Variants in DCX observed in about 807,000 individuals in gnomAD.
The protein encoded by DCX is neuronal migration protein doublecortin.
In DCX, 4 loss-of-function variants were observed where a neutral mutation model predicts 20.9. The observed-to-expected ratio is 0.19, with a 90% confidence interval of 0.09 to 0.44. The LOEUF (loss-of-function observed/expected upper bound fraction) is 0.44, where lower values mean the gene tolerates loss of function less well. Among genes scored for constraint, DCX ranks in the 20% least tolerant of loss-of-function variants. The probability of loss-of-function intolerance (pLI) is 0.99; values close to 1 mark genes in which losing one functional copy is unlikely to be tolerated. For missense variants in DCX, 133 were observed against 296.9 expected (o/e 0.45, Z 4.06); for synonymous variants, 103 against 111.4 (o/e 0.92, Z 0.47).
chrX:111,363,088 T>C (rs1179225906), intron 3 of DCX, among the ~76,000 whole-genome samples: 1 of 111,094 alleles, frequency 9.0e-6, no homozygotes, highest in East Asian at 2.9e-4. Flanking sequence ...GAATATGATA[T>C]AGACCATTTA....
At chrX:111,373,049 C>T (rs1459517967) in intron 3 of DCX, among the ~76,000 whole-genome samples, 4 of 104,159 alleles carry the variant, frequency 3.8e-5, no homozygotes, top group African/African-American at 1.5e-4. Flanking sequence ...AAGCTGATAA[C>T]ACAATGAAAT....
At chrX:111,304,938 G>A (rs149813398) in intron 6 of DCX, among the ~76,000 whole-genome samples, 9 of 111,614 alleles carry the variant, frequency 8.1e-5, no homozygotes, top group African/African-American at 2.3e-4. Context: ...CTGTGCAAGC[G>A]GCAAGAGAAT....
chrX:111,312,714 C>T lies in DCX; in HGVS notation c.969G>A (p.Gln323=). The change falls in exon 6 of 7, where the codon CAG becomes CAA. Residue 323 remains glutamine, a synonymous_variant. Transcript: ENST00000636035. ...ACTGCTTAGACTTGGGGGTAGAGAG[C>T]TGGCTGCTGGAGGTTCCGTTTGCTA... ...DQDANGTSSS[Q]LSTPKSKQSP... 1 of 1,211,634 alleles carries T rather than the reference C, an allele frequency of 8.3e-7. No homozygotes were observed. The highest frequency in any genetic ancestry group is 1.1e-6 in the Non-Finnish European group (1 of 895,496).
intron 5 of DCX, among the ~76,000 whole-genome samples, chrX:111,318,133 T>G (rs1361583589): frequency 1.0e-5 from 1 of 95,711 alleles, no homozygotes; most frequent in African/African-American, 4.0e-5. Flanking sequence ...TGCAGTGAGC[T>G]GAGATCATGC....
At chrX:111,326,641 T>A (rs1741331975) in intron 5 of DCX, among the ~76,000 whole-genome samples, 1 of 111,951 alleles carries the variant, frequency 8.9e-6, no homozygotes, top group South Asian at 3.8e-4. Flanking sequence ...CCATCAGTTC[T>A]GCCCGGTGAA....
At chrX:111,378,640 G>C (rs1433462078) in intron 3 of DCX, among the ~76,000 whole-genome samples, 2 of 111,065 alleles carry the variant, frequency 1.8e-5, no homozygotes, top group African/African-American at 6.6e-5. Flanking sequence ...ATTCTCTTCA[G>C]GGGCCATTAG....
At chrX:111,372,186 C>A (rs1925151882) in intron 3 of DCX, among the ~76,000 whole-genome samples, 1 of 111,927 alleles carries the variant, frequency 8.9e-6, no homozygotes, top group Admixed American at 9.5e-5. Flanking sequence ...TGCTGACCAA[C>A]ACACAAAGCT....
intron 5 of DCX, among the ~76,000 whole-genome samples, chrX:111,317,859 T>C (rs1603413509): frequency 9.0e-6 from 1 of 111,026 alleles, no homozygotes; most frequent in Non-Finnish European, 1.9e-5. Flanking sequence ...AAAACCACAA[T>C]GAGATACCAT....
At chrX:111,365,722 A>T (rs1335329788) in intron 3 of DCX, among the ~76,000 whole-genome samples, 1 of 111,327 alleles carries the variant, frequency 9.0e-6, no homozygotes, top group East Asian at 2.8e-4. Flanking sequence ...GAAAACAAAG[A>T]TGTATAGTCC....
intron 5 of DCX, among the ~76,000 whole-genome samples, chrX:111,313,288 A>G (rs2095061716): frequency 9.1e-6 from 1 of 110,394 alleles, no homozygotes; most frequent in African/African-American, 3.3e-5. Context: ...CTCATTCTGC[A>G]TGTGTGAAAA....
intron 5 of DCX, among the ~76,000 whole-genome samples, chrX:111,321,823 G>C (rs1396900078): frequency 8.9e-6 from 1 of 112,219 alleles, no homozygotes; most frequent in Non-Finnish European, 1.9e-5. Context: ...CAGGTTACAT[G>C]AGTCATTATA....
chrX:111,373,693 G>A (rs1054363641), intron 3 of DCX, among the ~76,000 whole-genome samples: 4 of 110,971 alleles, frequency 3.6e-5, no homozygotes, highest in African/African-American at 1.3e-4. Flanking sequence ...CCCTACAAGT[G>A]GAGTAAATAT....
chrX:111,380,806 G>C (rs146207689), intron 3 of DCX, among the ~76,000 whole-genome samples: 2,291 of 110,275 alleles, frequency 0.021, 68 homozygotes, highest in African/African-American at 0.071. Context: ...ATATCAGCCT[G>C]GTTCTCTCAT....
At position 111,300,060 on chromosome X, in the gene DCX, T is replaced by C. The variant is rs1474959374; in HGVS notation, c.*1627A>G. ...ACACACACACAGCAAGCTCATTCCA[T>C]TTAGAGTGGAGGAACAACTGCAAGC... On this transcript the variant is annotated 3_prime_UTR_variant, in exon 7 of 7. Coordinates refer to ENST00000636035, the MANE Select transcript of DCX (RefSeq NM_001195553.2). 1.8e-5 allele frequency: 2 copies of C among 111,710 alleles called. No individual in the cohort carries two copies. Among genetic ancestry groups the C allele is most frequent in the African/African-American group, 6.5e-5 (2 of 30,742 alleles). The allele number at this position is 111,710 out of a possible 1,213,427, so 9.2% of individuals were successfully genotyped here.
chrX:111,331,177 A>T, intron 4 of DCX, 136 bp from the exon 5 acceptor site: 1 of 752,139 alleles, frequency 1.3e-6, no homozygotes, highest in Non-Finnish European at 2.0e-6. Context: ...CCTTATTATT[A>T]GTAGGAGCCA....
intron 3 of DCX, among the ~76,000 whole-genome samples, chrX:111,383,023 G>A (rs963972843): frequency 9.0e-6 from 1 of 111,297 alleles, no homozygotes; most frequent in Non-Finnish European, 1.9e-5. Context: ...TGGGAATGGG[G>A]ACATGGATCT....
chrX:111,388,849 A>T (rs1289221574), intron 3 of DCX, among the ~76,000 whole-genome samples: 1 of 112,351 alleles, frequency 8.9e-6, no homozygotes, highest in Non-Finnish European at 1.9e-5. Flanking sequence ...AAGTGATAAG[A>T]TAAGACAAGA....
chrX:111,335,484 A>G (rs746712110), intron 3 of DCX, among the ~76,000 whole-genome samples: 19 of 112,768 alleles, frequency 1.7e-4, no homozygotes, highest in Non-Finnish European at 2.2e-4. Flanking sequence ...GGAATAAGAA[A>G]GATGAAATCA....
At chrX:111,318,361 T>TATAATAATAATAATAATA (rs201675196) in intron 5 of DCX, among the ~76,000 whole-genome samples, 2 of 100,106 alleles carry the variant, frequency 2.0e-5, no homozygotes, top group African/African-American at 7.7e-5. Flanking sequence ...AAACTTAAAG[T>TATAATAATAATAATAATA]ATAATAATAA....
Sources: gnomAD v4.1 joint callset for allele counts (sites outside exome capture counted in the v4.1 genomes callset) on GRCh38, gnomAD v4.1.1 for gene constraint, MANE v1.5 for transcripts, NCBI Gene and HGNC (gene_info 2026-07-23, HGNC 2026-07-21) for gene names.